The following LIX1 variants were observed in gnomAD, a reference collection of about 807,000 sequenced individuals.
LIX1 encodes the protein protein limb expression 1 homolog.
In LIX1, 24 loss-of-function variants were observed where a neutral mutation model predicts 33.4. That is an observed-to-expected ratio of 0.72 (90% CI 0.52 to 1.01). LIX1 has a LOEUF of 1.01. LIX1 is among the 50% of genes least tolerant of loss of function. LIX1 has a pLI of 0.00. For synonymous variants in LIX1, 124 were observed against 124.0 expected, an observed-to-expected ratio of 1.00 and a Z score of 0.00; for missense variants, 311 against 339.2, an observed-to-expected ratio of 0.92 and a Z score of 0.65.
At chr5:97,100,535 C>T (rs1207322476) in intron 4 of LIX1, among the ~76,000 whole-genome samples, 1 of 152,030 alleles carries the variant, frequency 6.6e-6, no homozygotes, top group Non-Finnish European at 1.5e-5. Context: ...TTTTTTGTCT[C>T]ACTTCTTTAT....
At position 97,116,826 on chromosome 5, in the gene LIX1, G is replaced by T. The variant is rs529658815; in HGVS notation, c.246+7640C>A. On this transcript the variant is annotated intron_variant, in intron 2 of 5. Coordinates refer to ENST00000274382, the MANE Select transcript of LIX1 (RefSeq NM_153234.5). ...GGGAGTTAGGGAGAGATGGAGTCAG[G>T]CTTTCTTCCCCACTCAGCAACTCAC... Among the ~76,000 whole-genome samples the T allele has an allele frequency of 2.6e-5, 4 of 152,114 alleles. No individual in the cohort carries two copies. The East Asian group carries it at 7.8e-4, about 29-fold the overall frequency.
At chr5:97,124,720 A>G (rs937804370) in intron 1 of LIX1, 91 bp from the exon 2 acceptor site, 3 of 1,106,382 alleles carry the variant, frequency 2.7e-6, no homozygotes, top group African/African-American at 3.1e-5. Context: ...ATTCTGTAGC[A>G]TGACAGTTCC....
chr5:97,097,362 G>A (rs1746437780), intron 4 of LIX1, among the ~76,000 whole-genome samples: 2 of 152,158 alleles, frequency 1.3e-5, no homozygotes, highest in Non-Finnish European at 2.9e-5. Flanking sequence ...GGATGAGAAC[G>A]TTCCATAAGT....
intron 1 of LIX1, among the ~76,000 whole-genome samples, chr5:97,129,149 T>G (rs1187017451): frequency 6.6e-6 from 1 of 152,202 alleles, no homozygotes; most frequent in African/African-American, 2.4e-5. Flanking sequence ...GTACTTCCAT[T>G]CATCCTCCTG....
intron 1 of LIX1, among the ~76,000 whole-genome samples, chr5:97,125,556 G>A (rs1446755883): frequency 6.6e-6 from 1 of 152,202 alleles, no homozygotes; most frequent in African/African-American, 2.4e-5. Context: ...ATGGTTCTGT[G>A]AAAAGGTCCT....
chr5:97,111,888 A>G (rs1012290079), intron 2 of LIX1, among the ~76,000 whole-genome samples: 1 of 152,236 alleles, frequency 6.6e-6, no homozygotes, highest in East Asian at 1.9e-4. Flanking sequence ...AAAGGACTAC[A>G]GAGACCTAAC....
intron 2 of LIX1, among the ~76,000 whole-genome samples, chr5:97,112,335 T>C (rs757773169): frequency 6.6e-6 from 1 of 152,146 alleles, no homozygotes; most frequent in Admixed American, 6.5e-5. Context: ...TGTAAGAAAA[T>C]AAAATATGGT....
rs749864939 is a variant in LIX1 at position 97,142,509 on chromosome 5, A to T, written c.68T>A (p.Leu23Gln). ...TCAGTACTTACAGTCTTTGAAGACT[A>T]GAGCCGGATCTCTGTGAGGCAAGAC... ...AQVLPHRDPA[L>Q]VFKDLNVVSM... The change falls in exon 1 of 6, where the codon CTA (leucine) becomes CAA (glutamine). Residue 23 changes from leucine (L) to glutamine (Q), a missense_variant. Transcript: ENST00000274382. 1.9e-6 allele frequency: 3 copies of T among 1,613,892 alleles called. No homozygotes were observed. Among genetic ancestry groups the T allele is most frequent in the Non-Finnish European group, 2.5e-6 (3 of 1,179,724 alleles).
chr5:97,122,162 C>T (rs985855992), intron 2 of LIX1, among the ~76,000 whole-genome samples: 10 of 152,146 alleles, frequency 6.6e-5, no homozygotes, highest in African/African-American at 9.7e-5. Context: ...GACTACTGTT[C>T]GGAGTGGGGA....
At chr5:97,112,828 T>C (rs1580228661) in intron 2 of LIX1, among the ~76,000 whole-genome samples, 1 of 149,106 alleles carries the variant, frequency 6.7e-6, no homozygotes, top group South Asian at 2.1e-4. Context: ...AGAGTGACTG[T>C]GGCATTGCTC....
chr5:97,129,819 G>T (rs1480768781), intron 1 of LIX1, among the ~76,000 whole-genome samples: 1 of 152,206 alleles, frequency 6.6e-6, no homozygotes, highest in Non-Finnish European at 1.5e-5. Context: ...GTTATCAAAA[G>T]TATAGAAGAT....
chr5:97,107,622 A>G (rs970773820), intron 2 of LIX1, 122 bp from the exon 3 acceptor site: 8 of 1,036,922 alleles, frequency 7.7e-6, no homozygotes, highest in Non-Finnish European at 1.1e-5. Flanking sequence ...TATTCTGTTC[A>G]TATACATTGC....
At chr5:97,112,439 C>A (rs1747449745) in intron 2 of LIX1, among the ~76,000 whole-genome samples, 1 of 152,178 alleles carries the variant, frequency 6.6e-6, no homozygotes, top group Non-Finnish European at 1.5e-5. Flanking sequence ...AAAGTAACTT[C>A]CTGCTAGAGT....
chr5:97,129,640 C>T (rs989419383), intron 1 of LIX1, among the ~76,000 whole-genome samples: 3 of 152,050 alleles, frequency 2.0e-5, no homozygotes, highest in Non-Finnish European at 2.9e-5. Flanking sequence ...CTCTATAGTC[C>T]ATGTTCTTGG....
chr5:97,100,926 T>A (rs1162299283), intron 4 of LIX1, among the ~76,000 whole-genome samples: 6 of 151,516 alleles, frequency 4.0e-5, no homozygotes, highest in African/African-American at 1.4e-4. Flanking sequence ...ATATAAATTT[T>A]TTTTTAAATA....
intron 2 of LIX1, among the ~76,000 whole-genome samples, chr5:97,121,190 C>A (rs574276168): frequency 1.3e-5 from 2 of 152,134 alleles, no homozygotes; most frequent in African/African-American, 2.4e-5. Flanking sequence ...TGTACATATG[C>A]AGTATCAAAA....
intron 2 of LIX1, among the ~76,000 whole-genome samples, chr5:97,112,593 G>A (rs563436609): frequency 1.2e-4 from 19 of 152,176 alleles, no homozygotes; most frequent in African/African-American, 4.1e-4. Context: ...TGCACTTTGC[G>A]AAAGTGCAGA....
chr5:97,100,909 AG>A (rs1459281766), intron 4 of LIX1, among the ~76,000 whole-genome samples: 1 of 148,356 alleles, frequency 6.7e-6, no homozygotes, highest in Non-Finnish European at 1.5e-5. Flanking sequence ...AAAAAAAAAA[AG>A]AATATATATA....
chr5:97,099,775 T>C (rs930291107), intron 4 of LIX1, among the ~76,000 whole-genome samples: 3 of 151,608 alleles, frequency 2.0e-5, no homozygotes, highest in Admixed American at 2.0e-4. Flanking sequence ...AGGCGGAGAG[T>C]ACAGTCAGCT....
Sources: allele counts gnomAD v4.1 joint callset (sites outside exome capture counted in the v4.1 genomes callset), GRCh38; gene constraint gnomAD v4.1.1; transcripts MANE v1.5; gene names NCBI Gene and HGNC (gene_info 2026-07-23, HGNC 2026-07-21).